Variants in CATSPER3 observed in about 807,000 individuals in gnomAD.
The protein encoded by CATSPER3 is cation channel sperm associated 3, also known as cation channel sperm-associated protein 3.
CATSPER3 carries 23 observed loss-of-function variants against 36.6 expected under a neutral mutation model. The ratio of observed to expected loss-of-function variants is 0.63; its 90% CI spans 0.45 to 0.89. The LOEUF (loss-of-function observed/expected upper bound fraction) is 0.89, where lower values mean the gene tolerates loss of function less well. Ranked by LOEUF, CATSPER3 falls within the 40% of genes least tolerant of loss-of-function variation. CATSPER3 has a pLI of 0.00. For missense variants in CATSPER3, 474 were observed against 503.9 expected (o/e 0.94, Z 0.57); for synonymous variants, 172 against 184.1 (o/e 0.93, Z 0.53).
rs967854280 is a variant in CATSPER3 at position 135,008,899 on chromosome 5, G to A, written c.734G>A (p.Arg245Gln). The A allele has an allele frequency of 3.3e-5, 54 of 1,613,900 alleles. No individual in the cohort carries two copies. The highest frequency in any genetic ancestry group is 6.7e-5 in the East Asian group (3 of 44,898). The change falls in exon 5 of 8, where the codon CGG (arginine) becomes CAG (glutamine). Residue 245 changes from arginine to glutamine, a missense_variant. By Grantham distance (43) the Arg-to-Gln change is conservative (BLOSUM62 1). Transcript: ENST00000282611. Reference protein sequence around the residue: ...QLDNREFALSRAFTIIFILLA... With the variant: ...QLDNREFALSQAFTIIFILLA... ...GACAATCGGGAATTTGCTTTGAGCCGGGCATTCACCATCATCTTCATCTTG... is the reference window on the plus strand; with the variant it reads ...GACAATCGGGAATTTGCTTTGAGCCAGGCATTCACCATCATCTTCATCTTG...
At chr5:134,993,635 T>G (rs1034467384) in intron 2 of CATSPER3, among the ~76,000 whole-genome samples, 2 of 152,132 alleles carry the variant, frequency 1.3e-5, no homozygotes, top group African/African-American at 4.8e-5. Context: ...TTTATGCCAA[T>G]AAATTTGAAA....
chr5:135,008,269 G>A, intron 4 of CATSPER3, 130 bp downstream of exon 4: 3 of 755,742 alleles, frequency 4.0e-6, no homozygotes, highest in Non-Finnish European at 6.8e-6. Flanking sequence ...TGGGCCTAGG[G>A]AAGCTGGGGT....
intron 1 of CATSPER3, chr5:134,969,708 A>G (rs982930570): frequency 4.6e-5 from 25 of 538,576 alleles, no homozygotes; most frequent in African/African-American, 4.6e-4. Flanking sequence ...ATTCTTTTTC[A>G]GAGGTCCAGG....
At chr5:134,996,066 G>C (rs1580910812) in intron 2 of CATSPER3, among the ~76,000 whole-genome samples, 1 of 152,230 alleles carries the variant, frequency 6.6e-6, no homozygotes, top group East Asian at 1.9e-4. Flanking sequence ...CCCAGCCCCA[G>C]GTGTAGGGCC....
At chr5:135,002,213 C>T (rs1752028678) in intron 3 of CATSPER3, among the ~76,000 whole-genome samples, 2 of 152,170 alleles carry the variant, frequency 1.3e-5, no homozygotes, top group African/African-American at 4.8e-5. Flanking sequence ...ATTTCTCCTT[C>T]ACTTATGAAG....
At chr5:134,986,690 T>C (rs1458985998) in intron 2 of CATSPER3, among the ~76,000 whole-genome samples, 1 of 152,140 alleles carries the variant, frequency 6.6e-6, no homozygotes, top group Non-Finnish European at 1.5e-5. Context: ...CTCGAACTCC[T>C]GACCTCAGGT....
At chr5:135,008,578 A>G (rs989092973) in intron 4 of CATSPER3, among the ~76,000 whole-genome samples, 3 of 152,102 alleles carry the variant, frequency 2.0e-5, no homozygotes, top group African/African-American at 7.2e-5. Context: ...GCAGAGAGGC[A>G]GTGTCTTTCT....
chr5:134,968,549 G>T (rs191745239), intron 1 of CATSPER3: 1 of 204,792 alleles, frequency 4.9e-6, no homozygotes, highest in East Asian at 1.3e-4. Context: ...AGATTAGCCC[G>T]GAGTGATGGT....
intron 3 of CATSPER3, among the ~76,000 whole-genome samples, chr5:135,000,926 C>T (rs1192086570): frequency 1.3e-5 from 2 of 152,176 alleles, no homozygotes; most frequent in African/African-American, 2.4e-5. Flanking sequence ...CTATCTCCTT[C>T]AGTTCTTATC....
chr5:134,970,680 T>A (rs1179668600), intron 2 of CATSPER3, among the ~76,000 whole-genome samples: 1 of 150,706 alleles, frequency 6.6e-6, no homozygotes, highest in East Asian at 2.0e-4. Flanking sequence ...CAAGTGATTC[T>A]CCTGCCTCAG....
intron 3 of CATSPER3, 80 bp downstream of exon 3, chr5:134,996,592 A>T: frequency 7.0e-7 from 1 of 1,425,088 alleles, no homozygotes; most frequent in Non-Finnish European, 9.8e-7. Context: ...GGAAATAATG[A>T]CTCTACTACC....
At chr5:134,990,773 A>G (rs1462350123) in intron 2 of CATSPER3, among the ~76,000 whole-genome samples, 2 of 152,256 alleles carry the variant, frequency 1.3e-5, no homozygotes, top group Non-Finnish European at 2.9e-5. Context: ...GCACAGTGCA[A>G]TAAAGTGAAG....
chr5:135,003,856 C>T (rs935798759), intron 3 of CATSPER3, among the ~76,000 whole-genome samples: 5 of 152,244 alleles, frequency 3.3e-5, no homozygotes, highest in African/African-American at 1.2e-4. Flanking sequence ...TCTGTCACAG[C>T]TTCCCTTGGC....
At chr5:134,992,126 A>G (rs967334284) in intron 2 of CATSPER3, among the ~76,000 whole-genome samples, 1 of 152,134 alleles carries the variant, frequency 6.6e-6, no homozygotes, top group Non-Finnish European at 1.5e-5. Flanking sequence ...TGTTTTGAAA[A>G]AAAAAAAAAG....
At chr5:135,007,276 A>C (rs1752100515) in intron 3 of CATSPER3, among the ~76,000 whole-genome samples, 1 of 152,086 alleles carries the variant, frequency 6.6e-6, no homozygotes, top group African/African-American at 2.4e-5. Context: ...ACACCTACCT[A>C]CCTTGAGGTT....
chr5:135,003,657 C>T (rs1034490644), intron 3 of CATSPER3, among the ~76,000 whole-genome samples: 3 of 152,236 alleles, frequency 2.0e-5, no homozygotes, highest in Non-Finnish European at 4.4e-5. Context: ...CAATGGCAGG[C>T]GCCCATCCCG....
intron 3 of CATSPER3, among the ~76,000 whole-genome samples, chr5:135,007,705 C>G (rs961118747): frequency 6.6e-6 from 1 of 152,252 alleles, no homozygotes; most frequent in Admixed American, 6.5e-5. Context: ...GGGTGGATGT[C>G]AGACACTGGT....
intron 3 of CATSPER3, among the ~76,000 whole-genome samples, chr5:134,999,279 G>A (rs543081937): frequency 6.6e-6 from 1 of 152,294 alleles, no homozygotes; most frequent in Admixed American, 6.5e-5. Context: ...CTATATCTCT[G>A]TTTTGGTACC....
Position 134,980,344 on chromosome 5 carries a change from TCCTC to T in CATSPER3, c.252+10266_252+10269del, listed in dbSNP as rs369505825. Reference sequence around the variant, plus strand: ...TCTCCTTTCTCTTTTTTTCTTTCCCTCCTCCCTCCCTCCCTCCTCTCTTCCTTCC... The same window carrying T: ...TCTCCTTTCTCTTTTTTTCTTTCCCTCCTCCCTCCCTCCTCTCTTCCTTCC... On this transcript the variant is annotated intron_variant, in intron 2 of 7. Coordinates refer to ENST00000282611, the MANE Select transcript of CATSPER3 (RefSeq NM_178019.3). 2.1e-4 allele frequency among the ~76,000 whole-genome samples: 31 copies of T among 146,976 alleles called. No individual in the cohort carries two copies. The East Asian group carries it at 5.0e-3, about 24-fold the overall frequency.
Sources: gnomAD v4.1 joint callset for allele counts (sites outside exome capture counted in the v4.1 genomes callset) on GRCh38, gnomAD v4.1.1 for gene constraint, MANE v1.5 for transcripts, NCBI Gene and HGNC (gene_info 2026-07-23, HGNC 2026-07-21) for gene names.